RBFOX1: variants seen among roughly 807,000 people sequenced by gnomAD.
RBFOX1 encodes the protein RNA binding fox-1 homolog 1.
A neutral mutation model predicts 57.7 loss-of-function variants in RBFOX1; 8 were observed. That is an observed-to-expected ratio of 0.14 (90% CI 0.08 to 0.25). The LOEUF (loss-of-function observed/expected upper bound fraction) is 0.25. Ranked by LOEUF, RBFOX1 falls within the 10% of genes least tolerant of loss-of-function variation. The pLI is 1.00. For missense variants in RBFOX1, 611 were observed against 548.5 expected, an observed-to-expected ratio of 1.11 and a Z score of -1.14; for synonymous variants, 326 against 222.4, an observed-to-expected ratio of 1.47 and a Z score of -4.15.
chr16:5,961,210 C>T (rs1354207707), intron 4 of RBFOX1, among the ~76,000 whole-genome samples: 2 of 152,114 alleles, frequency 1.3e-5, no homozygotes, highest in Non-Finnish European at 2.9e-5. Flanking sequence ...TTTTATTCAG[C>T]ATTGCTTAAT....
At chr16:6,881,891 G>A (rs560684050) in intron 3 of RBFOX1, among the ~76,000 whole-genome samples, 6 of 152,294 alleles carry the variant, frequency 3.9e-5, no homozygotes, top group South Asian at 2.1e-4. Context: ...TTCACAGCTG[G>A]AGTTGCTGTA....
intron 3 of RBFOX1, among the ~76,000 whole-genome samples, chr16:5,761,684 A>G (rs981901352): frequency 6.6e-6 from 1 of 152,190 alleles, no homozygotes; most frequent in Non-Finnish European, 1.5e-5. Flanking sequence ...GGTCCTTTCC[A>G]GCACACATAG....
At chr16:6,051,639 TG>T (rs1469313552) in intron 1 of RBFOX1, among the ~76,000 whole-genome samples, 3 of 152,100 alleles carry the variant, frequency 2.0e-5, no homozygotes, top group Non-Finnish European at 2.9e-5. Context: ...TCTTGGCTCA[TG>T]GCAACCTCTG....
intron 2 of RBFOX1, among the ~76,000 whole-genome samples, chr16:6,629,468 A>G (rs111969061): frequency 4.9e-4 from 74 of 152,208 alleles, no homozygotes; most frequent in African/African-American, 1.7e-3. Context: ...AATGTCACAA[A>G]TAGTTAAGTT....
chr16:6,839,703 A>G (rs994256828), intron 3 of RBFOX1, among the ~76,000 whole-genome samples: 3 of 152,222 alleles, frequency 2.0e-5, no homozygotes, highest in Non-Finnish European at 4.4e-5. Flanking sequence ...CTGGGATATT[A>G]GAAGGCACAC....
At chr16:5,674,597 C>G (rs1475881673) in intron 3 of RBFOX1, among the ~76,000 whole-genome samples, 2 of 152,232 alleles carry the variant, frequency 1.3e-5, no homozygotes, top group Non-Finnish European at 2.9e-5. Flanking sequence ...TTGGAAGCAT[C>G]TCATAGAACA....
At chr16:6,906,363 G>C (rs1041682888) in intron 3 of RBFOX1, among the ~76,000 whole-genome samples, 1 of 151,940 alleles carries the variant, frequency 6.6e-6, no homozygotes, top group South Asian at 2.1e-4. Context: ...TTGAAAACTC[G>C]GTAATAACAC....
intron 4 of RBFOX1, among the ~76,000 whole-genome samples, chr16:7,179,360 A>G (rs952337491): frequency 6.6e-6 from 1 of 152,138 alleles, no homozygotes; most frequent in African/African-American, 2.4e-5. Context: ...CTAAGAGAAC[A>G]TAATTCTAAA....
chr16:7,021,524 T>G (rs1387682431), intron 3 of RBFOX1, among the ~76,000 whole-genome samples: 3 of 145,722 alleles, frequency 2.1e-5, no homozygotes, highest in Non-Finnish European at 4.5e-5. Context: ...TTTTATAAAA[T>G]TTATAAAATT....
intron 3 of RBFOX1, among the ~76,000 whole-genome samples, chr16:5,763,112 A>G (rs2053644614): frequency 6.6e-6 from 1 of 152,226 alleles, no homozygotes; most frequent in African/African-American, 2.4e-5. Context: ...AAGACAAGAA[A>G]GTAGAACATA....
intron 2 of RBFOX1, among the ~76,000 whole-genome samples, chr16:6,517,817 T>C (rs1420854011): frequency 6.6e-6 from 1 of 152,212 alleles, no homozygotes; most frequent in Non-Finnish European, 1.5e-5. Flanking sequence ...CATTCGTTAT[T>C]TTATTTTCCA....
At chr16:7,287,488 A>T (rs960491074) in intron 4 of RBFOX1, among the ~76,000 whole-genome samples, 5 of 152,204 alleles carry the variant, frequency 3.3e-5, no homozygotes, top group Non-Finnish European at 7.3e-5. Context: ...TGGTGGACCA[A>T]GCCTGTATTC....
intron 1 of RBFOX1, among the ~76,000 whole-genome samples, chr16:5,278,804 T>C (rs2063202602): frequency 6.6e-6 from 1 of 152,262 alleles, no homozygotes. Flanking sequence ...TTCTTCTGTA[T>C]TTGGATATCT....
chr16:7,710,315 A>G (rs1598711975), intron 15 of RBFOX1: 3 of 1,193,264 alleles, frequency 2.5e-6, no homozygotes, highest in Middle Eastern at 6.8e-4. Context: ...CCTCAAGTGC[A>G]GATTATTCTG....
intron 1 of RBFOX1, among the ~76,000 whole-genome samples, chr16:5,373,556 C>A (rs1401966155): frequency 6.6e-6 from 1 of 152,130 alleles, no homozygotes; most frequent in Non-Finnish European, 1.5e-5. Context: ...GCCTCCTCAG[C>A]CGTACTTCCT....
chr16:5,942,088 C>T (rs774199038), intron 4 of RBFOX1, among the ~76,000 whole-genome samples: 12 of 152,132 alleles, frequency 7.9e-5, no homozygotes, highest in Non-Finnish European at 1.8e-4. Flanking sequence ...TGTAACCACC[C>T]AGTGGGTTCT....
At chr16:6,386,050 C>T (rs1315780102) in intron 2 of RBFOX1, among the ~76,000 whole-genome samples, 2 of 152,062 alleles carry the variant, frequency 1.3e-5, no homozygotes, top group South Asian at 2.1e-4. Flanking sequence ...ATTCTCCTGC[C>T]TCAGCCTCCC....
At chr16:6,848,056 T>G (rs1179861461) in intron 3 of RBFOX1, among the ~76,000 whole-genome samples, 1 of 152,080 alleles carries the variant, frequency 6.6e-6, no homozygotes, top group Non-Finnish European at 1.5e-5. Flanking sequence ...GGTCTCCAAC[T>G]CCTGACCTCA....
chr16:6,135,051 T>G (rs1291586579), intron 1 of RBFOX1, among the ~76,000 whole-genome samples: 1 of 151,956 alleles, frequency 6.6e-6, no homozygotes, highest in Non-Finnish European at 1.5e-5. Context: ...TGTGTCCAAG[T>G]GTTCTCGTTG....
Sources: gnomAD v4.1 joint callset for allele counts (sites outside exome capture counted in the v4.1 genomes callset) on GRCh38, gnomAD v4.1.1 for gene constraint, MANE v1.5 for transcripts, NCBI Gene and HGNC (gene_info 2026-07-23, HGNC 2026-07-21) for gene names.